The following FCRLA variants were observed in gnomAD, a reference collection of about 807,000 sequenced individuals.
FCRLA encodes the protein Fc receptor-like A.
In FCRLA, 26 loss-of-function variants were observed where a neutral mutation model predicts 28.4. That is an observed-to-expected ratio of 0.91 (90% CI 0.67 to 1.27). FCRLA has a LOEUF of 1.27. Among genes scored for constraint, FCRLA ranks in the 50% most tolerant of loss-of-function variants. FCRLA has a pLI of 0.00. For synonymous variants in FCRLA, 174 were observed against 168.5 expected (o/e 1.03, Z -0.25); for missense variants, 422 against 433.1 (o/e 0.97, Z 0.23).
intron 1 of FCRLA, chr1:161,710,374 G>A (rs1186918480): frequency 9.0e-7 from 1 of 1,109,292 alleles, no homozygotes; most frequent in Non-Finnish European, 1.3e-6. Flanking sequence ...GCAGGGTCTG[G>A]CACCCAGTGA....
chr1:161,713,005 A>C (rs1393907431), intron 4 of FCRLA, 80 bp from the exon 5 acceptor site: 4 of 1,493,396 alleles, frequency 2.7e-6, no homozygotes, highest in Non-Finnish European at 3.6e-6. Context: ...TTCAGAGAAC[A>C]AGAAAGATTG....
rs1683218051 is a variant in FCRLA at position 161,713,587 on chromosome 1, C to T, written c.*207C>T. On this transcript the variant is annotated 3_prime_UTR_variant, in exon 5 of 5. Transcript: ENST00000236938. ...AATTGTGTATTCTCTCTTAACACAA[C>T]AGAATTCTGCTGTCTAGATCAGGAA... is the stretch of plus-strand genomic sequence containing the variant. 12 of 513,912 alleles carry T rather than the reference C, an allele frequency of 2.3e-5. No homozygotes were observed. In the South Asian group the frequency reaches 2.7e-4, roughly 12 times the overall value. The allele number at this position is 513,912 out of a possible 1,614,324, so 31.8% of individuals were successfully genotyped here.
intron 4 of FCRLA, among the ~76,000 whole-genome samples, chr1:161,712,843 G>GA: frequency 6.6e-6 from 1 of 152,336 alleles, no homozygotes; most frequent in Non-Finnish European, 1.5e-5. Context: ...CCTTGATAGA[G>GA]AAAGAACTGG....
At chr1:161,710,324 A>G (rs1683029811) in intron 1 of FCRLA, 2 of 683,692 alleles carry the variant, frequency 2.9e-6, no homozygotes, top group Middle Eastern at 2.5e-4. Flanking sequence ...CTACCTGGAA[A>G]GTTTGTGAGG....
At position 161,712,184 on chromosome 1, in the gene FCRLA, GA is replaced by G; in HGVS notation, c.753del (p.Lys251AsnfsTer6). The G allele has an allele frequency of 6.2e-7, 1 of 1,613,976 alleles. No individual in the cohort carries two copies. Among genetic ancestry groups the G allele is most frequent in the Non-Finnish European group, 8.5e-7 (1 of 1,179,932 alleles). ...CAGCCACTGAGGACAACCAAGTTTGGAAACAGAGCCCCCAGCTAGAGATCAG... is the reference window on the plus strand; with the variant it reads ...CAGCCACTGAGGACAACCAAGTTTGGAACAGAGCCCCCAGCTAGAGATCAG... Reference protein sequence around the residue: ...EAATEDNQVWKQSPQLEIRVQ... With the variant: ...EAATEDNQVWXQSPQLEIRVQ... On this transcript the variant is annotated frameshift_variant, in exon 4 of 5. Transcript: ENST00000236938. LOFTEE classifies it low-confidence loss of function (END_TRUNC).
intron 3 of FCRLA, 166 bp from the exon 4 acceptor site, chr1:161,711,768 T>A (rs1302853409): frequency 1.1e-6 from 1 of 908,396 alleles, no homozygotes; most frequent in Non-Finnish European, 1.7e-6. Context: ...TTCCTAGTCC[T>A]GTCTACTTAC....
In FCRLA at chr1:161,713,570, A is replaced by T; in HGVS notation, c.*190A>T. On this transcript the variant is annotated 3_prime_UTR_variant, in exon 5 of 5. Transcript: ENST00000236938. Reference sequence around the variant, plus strand: ...AATTAGAGTTTAGCTATAATTGTGTATTCTCTCTTAACACAACAGAATTCT... The same window carrying T: ...AATTAGAGTTTAGCTATAATTGTGTTTTCTCTCTTAACACAACAGAATTCT... 3.6e-6 allele frequency: 2 copies of T among 561,064 alleles called. No homozygotes were observed. The highest frequency in any genetic ancestry group is 3.1e-6 in the Non-Finnish European group (1 of 320,112). The allele number at this position is 561,064 out of a possible 1,614,324, so 34.8% of individuals were successfully genotyped here.
chr1:161,707,835 C>T (rs900107332), intron 1 of FCRLA, among the ~76,000 whole-genome samples: 3 of 152,162 alleles, frequency 2.0e-5, no homozygotes, highest in African/African-American at 7.2e-5. Flanking sequence ...ACTACCCTGG[C>T]TTCCATGGCA....
intron 1 of FCRLA, 68 bp downstream of exon 1, chr1:161,707,411 G>T: frequency 6.7e-7 from 1 of 1,491,914 alleles, no homozygotes; most frequent in South Asian, 1.4e-5. Context: ...AGGACCAGAA[G>T]GAAAGAAACA....
intron 4 of FCRLA, 40 bp downstream of exon 4, chr1:161,712,258 C>T (rs747863773): frequency 2.7e-5 from 42 of 1,580,268 alleles, no homozygotes; most frequent in East Asian, 6.7e-5. Context: ...GTTTGGCATG[C>T]GTGTGAGTGA....
chr1:161,707,475 A>G (rs1439904396), intron 1 of FCRLA, 132 bp downstream of exon 1: 2 of 1,007,896 alleles, frequency 2.0e-6, no homozygotes, highest in African/African-American at 3.3e-5. Context: ...TAAGAAGGGT[A>G]GGTATAAGAA....
Position 161,707,331 on chromosome 1 carries a change from C to A in FCRLA, c.67C>A (p.Gln23Lys). The stretch of plus-strand genomic sequence containing the variant: ...TTCCCTTGGTGTGCTCTGGGTGGCC[C>A]AGATGCTACTGGGTAAGTAAAATAT... ...YLSLGVLWVAQMLLAASFETL... is the reference protein window; with the variant it reads ...YLSLGVLWVAKMLLAASFETL... Residue 23 changes from glutamine (Q) to lysine (K), a missense_variant, in exon 1 of 5, where the codon CAG (glutamine) becomes AAG (lysine). Physicochemically the swap from Gln to Lys is moderately conservative, Grantham distance 53. Transcript: ENST00000236938. The A allele has an allele frequency of 3.1e-6, 5 of 1,600,448 alleles. No individual in the cohort carries two copies. The highest frequency in any genetic ancestry group is 4.3e-6 in the Non-Finnish European group (5 of 1,175,414).
chr1:161,712,366 T>C (rs1571067807), intron 4 of FCRLA, 148 bp downstream of exon 4: 1 of 933,078 alleles, frequency 1.1e-6, no homozygotes, highest in Non-Finnish European at 1.6e-6. Flanking sequence ...CCAGAATCCC[T>C]GATGATGAGA....
chr1:161,711,897 T>G, intron 3 of FCRLA, 37 bp from the exon 4 acceptor site: 1 of 1,573,638 alleles, frequency 6.4e-7, no homozygotes, highest in Non-Finnish European at 8.6e-7. Context: ...GTATATAAGA[T>G]GGCTGAGCTC....
Position 161,711,307 on chromosome 1 carries a change from C to A in FCRLA, c.332C>A (p.Thr111Asn), listed in dbSNP as rs762778120. The part of the protein sequence containing the change: ...AWQDWPLTQV[T>N]FYRDGSALGP... The stretch of plus-strand genomic sequence containing the variant: ...CAAGACTGGCCACTGACTCAGGTGA[C>A]CTTCTACCGAGATGGCTCAGCTCTG... The change falls in exon 3 of 5, where the codon ACC (threonine) becomes AAC (asparagine). Residue 111 changes from threonine (T) to asparagine (N), a missense_variant. Around this residue, in one of 3 missense-constraint regions of FCRLA, gnomAD observed 231 missense variants for 214.6 expected, o/e 1.08. Transcript: ENST00000236938. 2 of 1,614,108 alleles carry A rather than the reference C, an allele frequency of 1.2e-6. No individual in the cohort carries two copies. Among genetic ancestry groups the A allele is most frequent in the East Asian group, 2.2e-5 (1 of 44,900 alleles).
At position 161,713,084 on chromosome 1, in the gene FCRLA, G is replaced by A. The variant is rs917996457; in HGVS notation, c.785-1G>A. The A allele has an allele frequency of 6.8e-6, 11 of 1,609,830 alleles. No individual in the cohort carries two copies. Among genetic ancestry groups the A allele is most frequent in the Non-Finnish European group, 5.9e-6 (7 of 1,178,286 alleles). The stretch of plus-strand genomic sequence containing the variant: ...TATGTGCCTCCTGCCCCATAATTCA[G>A]GTGCTTCCAGCTCTGCTGCACCTCC... On this transcript the variant is annotated splice_acceptor_variant, in intron 4 of 4. Coordinates refer to ENST00000236938, the MANE Select transcript of FCRLA (RefSeq NM_032738.4). LOFTEE classifies it high-confidence loss of function.
chr1:161,711,756 C>A, intron 3 of FCRLA, 178 bp from the exon 4 acceptor site: 1 of 859,966 alleles, frequency 1.2e-6, no homozygotes, highest in Non-Finnish European at 1.8e-6. Context: ...ATCTGTGGAT[C>A]TTTCCTAGTC....
intron 4 of FCRLA, among the ~76,000 whole-genome samples, chr1:161,712,873 AG>A (rs1181717668): frequency 6.6e-6 from 1 of 152,244 alleles, no homozygotes; most frequent in Non-Finnish European, 1.5e-5. Context: ...ATAGCTGTCC[AG>A]TGGTGAAGCC....
intron 3 of FCRLA, 137 bp from the exon 4 acceptor site, chr1:161,711,797 T>C (rs973588796): frequency 2.7e-6 from 3 of 1,097,080 alleles, no homozygotes; most frequent in Admixed American, 2.3e-5. Context: ...CTTGACAGAT[T>C]CAAATGGAAT....
Sources: gnomAD v4.1 joint callset for allele counts (sites outside exome capture counted in the v4.1 genomes callset) on GRCh38, gnomAD v4.1.1 for gene constraint, gnomAD v4.1.1 regional missense constraint, MANE v1.5 for transcripts, NCBI Gene and HGNC (gene_info 2026-07-23, HGNC 2026-07-21) for gene names.